GIGYF2: variants seen among roughly 807,000 people sequenced by gnomAD.
The protein encoded by GIGYF2 is GRB10-interacting GYF protein 2.
A neutral mutation model predicts 208.1 loss-of-function variants in GIGYF2; 25 were observed. The observed-to-expected ratio is 0.12, with a 90% CI of 0.09 to 0.17. The LOEUF is 0.17. Ranked by LOEUF, GIGYF2 falls within the 10% of genes least tolerant of loss-of-function variation. GIGYF2 has a pLI of 1.00. For synonymous variants in GIGYF2, 534 were observed against 543.8 expected (o/e 0.98, Z 0.25); for missense variants, 1,302 against 1,579.4 (o/e 0.82, Z 2.98).
At chr2:232,754,026 A>T (rs901530176) in intron 5 of GIGYF2, among the ~76,000 whole-genome samples, 12 of 152,068 alleles carry the variant, frequency 7.9e-5, no homozygotes, top group Admixed American at 2.0e-4. Context: ...TTAGCCAGGC[A>T]TGGTGGCATG....
At chr2:232,856,703 AAC>A (rs1011156049) in intron 28 of GIGYF2, 88 bp from the exon 29 acceptor site, 32 of 858,770 alleles carry the variant, frequency 3.7e-5, no homozygotes, top group Admixed American at 3.2e-4. Flanking sequence ...CAAACAAACA[AAC>A]ACAGACTTAC....
At chr2:232,711,818 T>G (rs1196258970) in intron 2 of GIGYF2, among the ~76,000 whole-genome samples, 1 of 151,082 alleles carries the variant, frequency 6.6e-6, no homozygotes, top group East Asian at 1.9e-4. Flanking sequence ...TTTTTTCTTT[T>G]TTTGTATTTT....
In GIGYF2 at chr2:232,790,789, C is replaced by T; in HGVS notation, c.804C>T (p.Tyr268=). ...GAGATAGAGATGATGAACGGGGTTACCGAAGGGTTCGCTCTGGCAGTGGGA... is the reference window on the plus strand; with the variant it reads ...GAGATAGAGATGATGAACGGGGTTATCGAAGGGTTCGCTCTGGCAGTGGGA... ...DFRDRDDERG[Y]RRVRSGSGSI... Residue 268 remains tyrosine (Y), a synonymous_variant, in exon 10 of 29, where the codon TAC becomes TAT. Transcript: ENST00000373563. The T allele has an allele frequency of 6.2e-7, 1 of 1,614,004 alleles. No individual in the cohort carries two copies. The highest frequency in any genetic ancestry group is 2.2e-5 in the East Asian group (1 of 44,882).
chr2:232,701,571 A>G (rs1695846157), intron 1 of GIGYF2, among the ~76,000 whole-genome samples: 1 of 151,766 alleles, frequency 6.6e-6, no homozygotes, highest in African/African-American at 2.4e-5. Context: ...CTGGGATTAT[A>G]GGTCCATGCC....
intron 21 of GIGYF2, among the ~76,000 whole-genome samples, chr2:232,825,624 G>A (rs1383346313): frequency 1.3e-5 from 2 of 152,176 alleles, no homozygotes; most frequent in African/African-American, 2.4e-5. Context: ...TACACCTGGT[G>A]AAGATGTCGC....
Position 232,812,480 on chromosome 2 carries a change from C to T in GIGYF2, c.2096C>T (p.Ser699Leu), listed in dbSNP as rs1700761174. Reference protein sequence around the residue: ...GSIWELQPTASQPTVWEGGSV... With the variant: ...GSIWELQPTALQPTVWEGGSV... ...ATCTGGGAGCTTCAGCCAACAGCTT[C>T]ACAGCCTACAGGTAAAAACTTAGAT... Residue 699 changes from serine (S) to leucine (L), a missense_variant, in exon 18 of 29, where the codon TCA (serine) becomes TTA (leucine). Physicochemically the swap from Ser to Leu is moderately radical, Grantham distance 145. Coordinates refer to ENST00000373563, the MANE Select transcript of GIGYF2 (RefSeq NM_001103146.3). The T allele has an allele frequency of 7.2e-7, 1 of 1,384,374 alleles. No individual in the cohort carries two copies. Among genetic ancestry groups the T allele is most frequent in the Non-Finnish European group, 1.0e-6 (1 of 970,666 alleles). 85.8% of individuals were successfully genotyped at this position (1,384,374 alleles called of 1,614,324 possible). A position where few individuals can be genotyped will look rare whatever the true frequency, so the allele number is the denominator to read the frequency against.
At chr2:232,762,394 A>G (rs926250670) in intron 8 of GIGYF2, among the ~76,000 whole-genome samples, 2 of 151,864 alleles carry the variant, frequency 1.3e-5, no homozygotes, top group South Asian at 2.1e-4. Flanking sequence ...TTGGGACTAC[A>G]GGTGCGTGCC....
At chr2:232,828,557 A>G (rs1701322181) in intron 21 of GIGYF2, 2 of 152,118 alleles carry the variant, frequency 1.3e-5, no homozygotes, top group Admixed American at 6.6e-5. Flanking sequence ...GGTTCAAGCT[A>G]TTCTCCCACT....
rs1696863887 is a variant in GIGYF2, at chr2:232,719,977, T to A, written c.-43-15178T>A. ...ACAACGTGCAGTTTTGTTACATAGT[T>A]GTACATGTGCACAACCTGCAGTTTT... On this transcript the variant is annotated intron_variant, in intron 2 of 28. Coordinates refer to ENST00000373563, the MANE Select transcript of GIGYF2 (RefSeq NM_001103146.3). 2.0e-5 allele frequency among the ~76,000 whole-genome samples: 3 copies of A among 152,208 alleles called. No individual in the cohort carries two copies. In the South Asian group the frequency reaches 6.2e-4, roughly 32 times the overall value.
At chr2:232,828,576 C>T (rs538996398) in intron 21 of GIGYF2, 2 of 152,182 alleles carry the variant, frequency 1.3e-5, no homozygotes, top group Middle Eastern at 3.4e-3. Context: ...CTTCAGCCAC[C>T]AGAGTAGCTG....
At chr2:232,771,421 GTTAATGTT>G in intron 8 of GIGYF2, 1 of 1,280,968 alleles carries the variant, frequency 7.8e-7, no homozygotes, top group Non-Finnish European at 1.1e-6. Context: ...CTGTTTTATA[GTTAATGTT>G]TGTGAATTTG....
intron 8 of GIGYF2, among the ~76,000 whole-genome samples, chr2:232,785,428 C>G (rs568809499): frequency 2.6e-5 from 4 of 152,292 alleles, no homozygotes; most frequent in East Asian, 3.9e-4. Context: ...ACTCATGTTT[C>G]TGGTGGTAAG....
intron 3 of GIGYF2, among the ~76,000 whole-genome samples, chr2:232,744,099 A>G (rs986177583): frequency 2.0e-5 from 3 of 151,932 alleles, no homozygotes; most frequent in East Asian, 1.9e-4. Context: ...ACCTGCCTCA[A>G]CCTCCCAAAG....
chr2:232,739,361 A>AACCCCCCC (rs1697873299), intron 3 of GIGYF2, among the ~76,000 whole-genome samples: 2 of 75,598 alleles, frequency 2.6e-5, no homozygotes, highest in Non-Finnish European at 5.0e-5. Flanking sequence ...ACAAAAGCAA[A>AACCCCCCC]CCCCCCCCCC....
chr2:232,819,206 C>T (rs760183054), intron 20 of GIGYF2, among the ~76,000 whole-genome samples: 54 of 152,294 alleles, frequency 3.5e-4, no homozygotes, highest in Non-Finnish European at 6.3e-4. Flanking sequence ...CTTAGAGTCA[C>T]ACTATACTGC....
At chr2:232,762,238 G>GTTTTTTTTTTTTTT (rs11301320) in intron 8 of GIGYF2, among the ~76,000 whole-genome samples, 2 of 129,140 alleles carry the variant, frequency 1.5e-5, no homozygotes, top group African/African-American at 2.8e-5. Flanking sequence ...TTTTTTTTTT[G>GTTTTTTTTTTTTTT]TTTTTTTTTT....
intron 19 of GIGYF2, among the ~76,000 whole-genome samples, chr2:232,816,652 G>A (rs185758925): frequency 2.6e-5 from 4 of 152,278 alleles, no homozygotes; most frequent in Admixed American, 2.0e-4. Flanking sequence ...ATGTTGTAGC[G>A]TATGTCAGAA....
chr2:232,720,375 A>G (rs1049606528), intron 2 of GIGYF2, among the ~76,000 whole-genome samples: 8 of 152,110 alleles, frequency 5.3e-5, no homozygotes, highest in African/African-American at 1.4e-4. Flanking sequence ...AGTCTTTGCT[A>G]TTGTGAATAG....
intron 8 of GIGYF2, among the ~76,000 whole-genome samples, chr2:232,773,518 A>G (rs2106343103): frequency 1.3e-5 from 2 of 152,254 alleles, no homozygotes; most frequent in South Asian, 4.1e-4. Flanking sequence ...CAGTCTTTCC[A>G]AAAATGATTG....
Sources: allele counts gnomAD v4.1 joint callset (sites outside exome capture counted in the v4.1 genomes callset), GRCh38; gene constraint gnomAD v4.1.1; transcripts MANE v1.5; gene names NCBI Gene and HGNC (gene_info 2026-07-23, HGNC 2026-07-21).